KRT4: variants seen among roughly 807,000 people sequenced by gnomAD.
The protein encoded by KRT4 is keratin 4.
Under a neutral mutation model 50.6 loss-of-function variants are expected in KRT4, and 47 were observed. That is an observed-to-expected ratio of 0.93 (90% confidence interval 0.73 to 1.18). The LOEUF is 1.18. Ranked by LOEUF, KRT4 falls within the 50% of genes most tolerant of loss-of-function variation. The pLI, the probability that KRT4 is intolerant of heterozygous loss-of-function variation, is 0.00. For synonymous variants in KRT4, 254 were observed against 251.2 expected, an observed-to-expected ratio of 1.01 and a Z score of -0.10; for missense variants, 651 against 645.7, an observed-to-expected ratio of 1.01 and a Z score of -0.09.
intron 2 of KRT4, 144 bp downstream of exon 2, chr12:52,811,619 T>C: frequency 1.4e-6 from 1 of 695,190 alleles, no homozygotes; most frequent in Non-Finnish European, 2.6e-6. Flanking sequence ...AAAACGTGAC[T>C]ATGTGGATGT....
At chr12:52,811,044 A>C (rs1163166823) in intron 2 of KRT4, 1 of 536,530 alleles carries the variant, frequency 1.9e-6, no homozygotes, top group Non-Finnish European at 3.4e-6. Context: ...AACTTTAAAG[A>C]GACTGTTTTC....
intron 3 of KRT4, among the ~76,000 whole-genome samples, chr12:52,810,244 T>A (rs1014746095): frequency 3.3e-5 from 5 of 152,220 alleles, no homozygotes; most frequent in African/African-American, 1.2e-4. Flanking sequence ...TTGTACCCCA[T>A]GAATTTATAA....
chr12:52,809,608 G>A (rs985416468), intron 3 of KRT4, 130 bp from the exon 4 acceptor site: 2 of 732,092 alleles, frequency 2.7e-6, no homozygotes, highest in Admixed American at 2.0e-5. Flanking sequence ...GGAGCTGGTG[G>A]GAGACCAATT....
chr12:52,809,383 C>A lies in KRT4; in HGVS notation c.834G>T (p.Ala278=), dbSNP rs766311824. The A allele has an allele frequency of 2.3e-5, 37 of 1,606,616 alleles. No individual in the cohort carries two copies. The South Asian group carries it at 4.0e-4, about 17-fold the overall frequency. The change falls in exon 4 of 9, where the codon GCG becomes GCT. Residue 278 remains alanine, a splice_region_variant and synonymous_variant. Transcript: ENST00000551956. ...EINFLKVLYD[A]ELSQMQTHVS... is the part of the protein sequence containing the mutation. The stretch of plus-strand genomic sequence containing the variant: ...ATGGAGGGGAGGATGGAGCCCTCAC[C>A]GCATCATAGAGGACCTTCAGGAAGT...
In KRT4 at chr12:52,807,875, A is replaced by T; in HGVS notation, c.1126-11T>A. 6.2e-7 allele frequency: 1 copy of T among 1,612,278 alleles called. No homozygotes were observed. Among genetic ancestry groups the T allele is most frequent in the Admixed American group, 1.7e-5 (1 of 60,006 alleles). On this transcript the variant is annotated splice_polypyrimidine_tract_variant and intron_variant, in intron 6 of 8. Coordinates refer to ENST00000551956, the MANE Select transcript of KRT4 (RefSeq NM_002272.4). ...CTGAAGAGTCTGGCACTATTGACAA[A>T]GGCATTAGATAGGTGGTCAGCAGTG...
Position 52,811,810 on chromosome 12 carries a change from C to G in KRT4, c.630G>C (p.Gln210His). 1 of 1,613,986 alleles carries G rather than the reference C, an allele frequency of 6.2e-7. No individual in the cohort carries two copies. The highest frequency in any genetic ancestry group is 8.5e-7 in the Non-Finnish European group (1 of 1,180,032). Residue 210 changes from glutamine (Q) to histidine (H), a missense_variant, in exon 2 of 9, where the codon CAG becomes CAC. By Grantham distance (24) the Gln-to-His change is conservative. Coordinates refer to ENST00000551956, the MANE Select transcript of KRT4 (RefSeq NM_002272.4). ...TGTCCTGCATGGTCTTCAGCTCAGA[C>G]TGCAGGCGCCCTTTGTCATTGCCCA... Reference protein sequence around the residue: ...DTLGNDKGRLQSELKTMQDSV... With the variant: ...DTLGNDKGRLHSELKTMQDSV...
At chr12:52,810,931 T>A in intron 2 of KRT4, 115 bp from the exon 3 acceptor site, 1 of 805,622 alleles carries the variant, frequency 1.2e-6, no homozygotes, top group Non-Finnish European at 2.2e-6. Flanking sequence ...TCCACGTAAT[T>A]AGTTGCATTT....
rs375246611 is a variant in KRT4, at chr12:52,810,794, G to A, written c.700C>T (p.Arg234Cys). The A allele has an allele frequency of 3.8e-5, 61 of 1,613,944 alleles. No individual in the cohort carries two copies. In the African/African-American group the frequency reaches 4.9e-4, roughly 13 times the overall value. Reference protein sequence around the residue: ...KTKYEEEINKRTAAENDFVVL... With the variant: ...KTKYEEEINKCTAAENDFVVL... ...ACAAAGTCATTCTCGGCTGCTGTGC[G>A]TTTGTTGATCTCCTCTTCATACCTG... The change falls in exon 3 of 9, where the codon CGC becomes TGC. Residue 234 changes from arginine to cysteine, a missense_variant. Arg to Cys is a radical substitution (Grantham distance 180, BLOSUM62 -3). Transcript: ENST00000551956.
Position 52,813,863 on chromosome 12 carries a change from CCA to C in KRT4, c.194_195del (p.Val65GlyfsTer31), listed in dbSNP as rs1565685864. On this transcript the variant is annotated frameshift_variant, in exon 1 of 9. Coordinates refer to ENST00000551956, the MANE Select transcript of KRT4 (RefSeq NM_002272.4). LOFTEE classifies it high-confidence loss of function. ...LRGNKSISMSVAGSRQGACFG... is the reference protein window; with the variant it reads ...LRGNKSISMSXAGSRQGACFG... Reference sequence around the variant, plus strand: ...AAGCAGGCACCTTGTCGTGACCCAGCCACACTCATGGAGATGCTTTTGTTCCC... The same window carrying C: ...AAGCAGGCACCTTGTCGTGACCCAGCCACTCATGGAGATGCTTTTGTTCCC... 1.1e-6 allele frequency: 1 copy of C among 897,684 alleles called. No individual in the cohort carries two copies. The highest frequency in any genetic ancestry group is 1.4e-6 in the Non-Finnish European group (1 of 731,848). The allele number at this position is 897,684 out of a possible 1,614,324, so 55.6% of individuals were successfully genotyped here. A position where few individuals can be genotyped will look rare whatever the true frequency, so the allele number is the denominator to read the frequency against.
chr12:52,811,348 T>G, intron 2 of KRT4: 1 of 270,866 alleles, frequency 3.7e-6, no homozygotes, highest in Non-Finnish European at 7.1e-6. Flanking sequence ...AAAGTAGGAA[T>G]ATTATCCCCA....
intron 4 of KRT4, 84 bp from the exon 5 acceptor site, chr12:52,808,934 T>A: frequency 7.0e-7 from 1 of 1,438,486 alleles, no homozygotes; most frequent in Non-Finnish European, 9.8e-7. Context: ...AGAGCTGGCA[T>A]TCACAATGTG....
In KRT4 at chr12:52,810,834, G is replaced by A. The variant is rs200221346; in HGVS notation, c.678-18C>T. The A allele has an allele frequency of 1.3e-4, 205 of 1,609,404 alleles. 1 individual carries two copies. The highest frequency in any genetic ancestry group is 3.3e-4 in the Middle Eastern group (2 of 6,078). On this transcript the variant is annotated intron_variant, in intron 2 of 8. Coordinates refer to ENST00000551956, the MANE Select transcript of KRT4 (RefSeq NM_002272.4). ...CTTCATACCTGGGGGTGGGCACGGG[G>A]AGAAAAAGACAAAAACCCACAGTGA...
Position 52,809,913 on chromosome 12 carries a change from ACTC to A in KRT4, c.739-438_739-436del, listed in dbSNP as rs1939879012. Reference sequence around the variant, plus strand: ...TGATACATATACACAATAGAATACTACTCAGCCATAAAAAGAGAATGAAATTAT... The same window carrying A: ...TGATACATATACACAATAGAATACTAAGCCATAAAAAGAGAATGAAATTAT... On this transcript the variant is annotated intron_variant, in intron 3 of 8. Coordinates refer to ENST00000551956, the MANE Select transcript of KRT4 (RefSeq NM_002272.4). 5.3e-5 allele frequency among the ~76,000 whole-genome samples: 8 copies of A among 152,340 alleles called. No individual in the cohort carries two copies. In the South Asian group the frequency reaches 1.7e-3, roughly 32 times the overall value.
chr12:52,808,208 C>A, intron 6 of KRT4, 86 bp downstream of exon 6: 3 of 1,541,616 alleles, frequency 1.9e-6, no homozygotes, highest in Non-Finnish European at 2.7e-6. Context: ...GTCTTCTGGC[C>A]TGATGCTTTA....
chr12:52,810,269 TG>T (rs1939885806), intron 3 of KRT4, among the ~76,000 whole-genome samples: 1 of 152,190 alleles, frequency 6.6e-6, no homozygotes, highest in African/African-American at 2.4e-5. Context: ...AAAAATCAGC[TG>T]GGTGCGGTGG....
chr12:52,807,244 AC>A lies in KRT4; in HGVS notation c.1387del (p.Val463SerfsTer14). On this transcript the variant is annotated frameshift_variant, in exon 9 of 9. Transcript: ENST00000551956. LOFTEE classifies it low-confidence loss of function (END_TRUNC). ...GCCTCCAGTGCTGGTGCTACCGCTG[AC>A]CACAGCTGCAGAAAAGACACAAAAG... ...ECQSAVSISV[V>X]SGSTSTGGIS... The A allele has an allele frequency of 6.2e-7, 1 of 1,614,170 alleles. No homozygotes were observed. The highest frequency in any genetic ancestry group is 2.2e-5 in the East Asian group (1 of 44,884).
Position 52,807,806 on chromosome 12 carries a change from T to C in KRT4, c.1184A>G (p.Lys395Arg). Residue 395 changes from lysine to arginine, a missense_variant, in exon 7 of 9, where the codon AAA becomes AGA. Lys to Arg is a conservative substitution (Grantham distance 26, BLOSUM62 2). Coordinates refer to ENST00000551956, the MANE Select transcript of KRT4 (RefSeq NM_002272.4). ...CTCTACGCGCTTGCTGTGGGCATCT[T>C]TAAGGGCATTCTCACCTCGCTGCTC... ...DAEQRGENAL[K>R]DAHSKRVELE... is the part of the protein sequence containing the mutation. The C allele has an allele frequency of 6.2e-7, 1 of 1,614,170 alleles. No homozygotes were observed.
At chr12:52,808,557 C>A in intron 5 of KRT4, 129 bp downstream of exon 5, 2 of 1,480,470 alleles carry the variant, frequency 1.4e-6, no homozygotes, top group Non-Finnish European at 1.9e-6. Flanking sequence ...AGACCAGGAC[C>A]AACGATGCCT....
chr12:52,808,905 T>C (rs1322763269), intron 4 of KRT4, 55 bp from the exon 5 acceptor site: 4 of 1,586,834 alleles, frequency 2.5e-6, no homozygotes, highest in Middle Eastern at 3.3e-4. Flanking sequence ...ACTGACCTGA[T>C]ACAGGCTCAA....
Sources: gnomAD v4.1 joint callset for allele counts (sites outside exome capture counted in the v4.1 genomes callset) on GRCh38, gnomAD v4.1.1 for gene constraint, MANE v1.5 for transcripts, NCBI Gene and HGNC (gene_info 2026-07-23, HGNC 2026-07-21) for gene names.